The following AP5M1 variants were observed in gnomAD, a reference collection of about 807,000 sequenced individuals.
AP5M1 encodes AP-5 complex subunit mu-1.
In AP5M1, 44 loss-of-function variants were observed where a neutral mutation model predicts 52.3. That is an observed-to-expected ratio of 0.84 (90% CI 0.66 to 1.08). The LOEUF is 1.08. Among genes scored for constraint, AP5M1 ranks in the 50% least tolerant of loss-of-function variants. The pLI, the probability that AP5M1 is intolerant of heterozygous loss-of-function variation, is 0.00. For synonymous variants in AP5M1, 213 were observed against 199.0 expected, an observed-to-expected ratio of 1.07 and a Z score of -0.59; for missense variants, 526 against 568.4, an observed-to-expected ratio of 0.93 and a Z score of 0.76.
At chr14:57,280,761 G>C (rs1231444520) in intron 3 of AP5M1, among the ~76,000 whole-genome samples, 1 of 151,754 alleles carries the variant, frequency 6.6e-6, no homozygotes, top group Non-Finnish European at 1.5e-5. Flanking sequence ...CGAGGCAGGA[G>C]AATCGCTTGA....
At position 57,269,390 on chromosome 14, in the gene AP5M1, T is replaced by C. The variant is rs1167801982; in HGVS notation, c.74+2T>C. 1 of 1,614,020 alleles carries C rather than the reference T, an allele frequency of 6.2e-7. No individual in the cohort carries two copies. Among genetic ancestry groups the C allele is most frequent in the Admixed American group, 1.7e-5 (1 of 60,006 alleles). On this transcript the variant is annotated splice_donor_variant, in intron 1 of 7. Transcript: ENST00000261558. LOFTEE classifies it high-confidence loss of function. ...TTGTGGCACCGTGAGATTCTCCAGG[T>C]AAATGCAAATCTGAATCCTCAGGGA... is the stretch of plus-strand genomic sequence containing the variant.
At chr14:57,278,833 G>A (rs1253404975) in intron 2 of AP5M1, among the ~76,000 whole-genome samples, 3 of 152,016 alleles carry the variant, frequency 2.0e-5, no homozygotes, top group Non-Finnish European at 4.4e-5. Context: ...TTTTAAGCAG[G>A]TAGATGAAGA....
intron 2 of AP5M1, among the ~76,000 whole-genome samples, chr14:57,276,806 A>G (rs1369833112): frequency 6.6e-6 from 1 of 152,182 alleles, no homozygotes; most frequent in East Asian, 1.9e-4. Flanking sequence ...TTATTTAAAA[A>G]ATGTTTTTAA....
At chr14:57,269,451 T>G in intron 1 of AP5M1, 63 bp downstream of exon 1, 11 of 1,567,800 alleles carry the variant, frequency 7.0e-6, no homozygotes, top group Non-Finnish European at 9.7e-6. Flanking sequence ...AGCATAGTTT[T>G]GTGGTGCTTC....
At chr14:57,273,647 G>A in intron 1 of AP5M1, 1 of 679,258 alleles carries the variant, frequency 1.5e-6, no homozygotes, top group South Asian at 1.6e-5. Flanking sequence ...TTATCTAAAA[G>A]TATCTTCCAG....
intron 1 of AP5M1, among the ~76,000 whole-genome samples, chr14:57,269,831 C>T (rs778453247): frequency 1.6e-4 from 25 of 152,154 alleles, no homozygotes; most frequent in Non-Finnish European, 3.2e-4. Flanking sequence ...TTTTTTGAGA[C>T]GGAGTCTCGC....
rs766520114 is a variant in AP5M1 at position 57,274,319 on chromosome 14, C to T, written c.150C>T (p.Pro50=). 30 of 1,614,030 alleles carry T rather than the reference C, an allele frequency of 1.9e-5. No individual in the cohort carries two copies. Among genetic ancestry groups the T allele is most frequent in the Non-Finnish European group, 2.4e-5 (28 of 1,180,024 alleles). Residue 50 remains proline (P), a synonymous_variant, in exon 2 of 8, where the codon CCC becomes CCT. Coordinates refer to ENST00000261558, the MANE Select transcript of AP5M1 (RefSeq NM_018229.4). ...ATGTGCCTGTTCCTGAAGATGGTCC[C>T]TTTCTTAAAGCACTGCTCTTTGAAC... ...ASYVPVPEDG[P]FLKALLFELR...
intron 1 of AP5M1, chr14:57,273,638 T>C: frequency 1.5e-6 from 1 of 661,370 alleles, no homozygotes; most frequent in South Asian, 1.6e-5. Flanking sequence ...TCTTTTTTAT[T>C]ATCTAAAAGT....
At chr14:57,279,499 C>G (rs2265059) in intron 2 of AP5M1, among the ~76,000 whole-genome samples, 37,163 of 151,970 alleles carry the variant, frequency 0.24, 12,401 homozygotes, top group African/African-American at 0.76. Flanking sequence ...TGGTCACAAG[C>G]GGGGAACAAC....
chr14:57,286,751 T>A (rs1447588968), intron 7 of AP5M1, among the ~76,000 whole-genome samples: 1 of 152,110 alleles, frequency 6.6e-6, no homozygotes, highest in Non-Finnish European at 1.5e-5. Context: ...TCAGGATTGT[T>A]ATGAGGTTTA....
rs112176310 is a variant in AP5M1 at position 57,287,373 on chromosome 14, G to A, written c.1390+1054G>A. Among the ~76,000 whole-genome samples, 139 of 152,180 alleles carry A rather than the reference G, an allele frequency of 9.1e-4. 2 individuals carry two copies. Among genetic ancestry groups the A allele is most frequent in the African/African-American group, 3.3e-3 (136 of 41,552 alleles). The stretch of plus-strand genomic sequence containing the variant: ...GAATTCTAAGCAACTATTTGTGCTT[G>A]TCAATATAATTTCTACTATGTAATG... On this transcript the variant is annotated intron_variant, in intron 7 of 7. Coordinates refer to ENST00000261558, the MANE Select transcript of AP5M1 (RefSeq NM_018229.4).
intron 2 of AP5M1, among the ~76,000 whole-genome samples, chr14:57,276,512 C>G (rs1025280190): frequency 4.0e-5 from 6 of 151,684 alleles, no homozygotes; most frequent in Admixed American, 3.9e-4. Flanking sequence ...GAGGCAGAGG[C>G]TGCAGTGAGC....
In AP5M1 at chr14:57,274,291, G is replaced by A; in HGVS notation, c.122G>A (p.Ser41Asn). 6.2e-7 allele frequency: 1 copy of A among 1,614,138 alleles called. No homozygotes were observed. The highest frequency in any genetic ancestry group is 2.2e-5 in the East Asian group (1 of 44,874). ...EKRARVFNGA[S>N]YVPVPEDGPF... ...CGAGCCAGAGTCTTCAATGGAGCAA[G>A]TTATGTGCCTGTTCCTGAAGATGGT... Residue 41 changes from serine (S) to asparagine (N), a missense_variant, in exon 2 of 8, where the codon AGT becomes AAT. Physicochemically the swap from Ser to Asn is conservative, Grantham distance 46. Coordinates refer to ENST00000261558, the MANE Select transcript of AP5M1 (RefSeq NM_018229.4).
At chr14:57,278,159 G>A (rs1443800096) in intron 2 of AP5M1, among the ~76,000 whole-genome samples, 1 of 152,130 alleles carries the variant, frequency 6.6e-6, no homozygotes, top group Non-Finnish European at 1.5e-5. Flanking sequence ...GTCTGGTTGG[G>A]CCAGAAGAAG....
rs1048517038 is a variant in AP5M1, at chr14:57,289,209, A to C, written c.*325A>C. 5.6e-6 allele frequency: 1 copy of C among 179,954 alleles called. No homozygotes were observed. The highest frequency in any genetic ancestry group is 2.4e-5 in the African/African-American group (1 of 41,786). 11.1% of individuals were successfully genotyped at this position (179,954 alleles called of 1,614,324 possible). ...TAGTGTTTCTGTGGCAGACATTGCT[A>C]ATCAATTACAGCCCTTTTCTGTACT... On this transcript the variant is annotated 3_prime_UTR_variant, in exon 8 of 8. Coordinates refer to ENST00000261558, the MANE Select transcript of AP5M1 (RefSeq NM_018229.4).
In AP5M1 at chr14:57,292,998, A is replaced by G. The variant is rs1431900428; in HGVS notation, c.*4114A>G. The G allele has an allele frequency of 1.3e-5, 2 of 151,738 alleles. No homozygotes were observed. Among genetic ancestry groups the G allele is most frequent in the East Asian group, 1.9e-4 (1 of 5,192 alleles). 9.4% of individuals were successfully genotyped at this position (151,738 alleles called of 1,614,324 possible). A position where few individuals can be genotyped will look rare whatever the true frequency, so the allele number is the denominator to read the frequency against. On this transcript the variant is annotated 3_prime_UTR_variant, in exon 8 of 8. Transcript: ENST00000261558. ...AAAAAAGTGACAGCATTACCAAAATAGCCGAGTAATTAAATTTTTTCTGCC... is the reference window on the plus strand; with the variant it reads ...AAAAAAGTGACAGCATTACCAAAATGGCCGAGTAATTAAATTTTTTCTGCC...
Position 57,269,145 on chromosome 14 carries a change from C to T in AP5M1, c.-170C>T. On this transcript the variant is annotated 5_prime_UTR_variant, in exon 1 of 8. Coordinates refer to ENST00000261558, the MANE Select transcript of AP5M1 (RefSeq NM_018229.4). ...GTGTTGGCCTAGAGCGACTCAGAAG[C>T]GTTAGTGACTTCACCTAAAAAAGCT... The T allele has an allele frequency of 1.6e-6, 1 of 625,916 alleles. No homozygotes were observed. Among genetic ancestry groups the T allele is most frequent in the Non-Finnish European group, 2.8e-6 (1 of 355,218 alleles). The allele number at this position is 625,916 out of a possible 1,614,324, so 38.8% of individuals were successfully genotyped here.
At chr14:57,284,879 C>G (rs1885271347) in intron 6 of AP5M1, among the ~76,000 whole-genome samples, 1 of 151,720 alleles carries the variant, frequency 6.6e-6, no homozygotes, top group African/African-American at 2.4e-5. Context: ...ATATTTTTTG[C>G]TGGCAATAGC....
rs1885370746 is a variant in AP5M1, at chr14:57,288,821, T to C, written c.1410T>C (p.Ser470=). Residue 470 remains serine (S), a synonymous_variant, in exon 8 of 8, where the codon TCT becomes TCC. Coordinates refer to ENST00000261558, the MANE Select transcript of AP5M1 (RefSeq NM_018229.4). The part of the protein sequence containing the change: ...KISAHRKLIS[S]DYYIWNSKAP... Reference sequence around the variant, plus strand: ...CTTTAGACCGGAAACTAATTTCTTCTGATTATTACATCTGGAATTCTAAAG... The same window carrying C: ...CTTTAGACCGGAAACTAATTTCTTCCGATTATTACATCTGGAATTCTAAAG... 4 of 1,588,038 alleles carry C rather than the reference T, an allele frequency of 2.5e-6. No individual in the cohort carries two copies. The highest frequency in any genetic ancestry group is 3.4e-6 in the Non-Finnish European group (4 of 1,159,696).
Sources: gnomAD v4.1 joint callset for allele counts (sites outside exome capture counted in the v4.1 genomes callset) on GRCh38, gnomAD v4.1.1 for gene constraint, MANE v1.5 for transcripts, NCBI Gene and HGNC (gene_info 2026-07-23, HGNC 2026-07-21) for gene names.